Variants in R3HCC1L observed in about 807,000 individuals in gnomAD.
R3HCC1L encodes R3H domain and coiled-coil containing 1 like, also known as coiled-coil domain-containing protein R3HCC1L.
R3HCC1L carries 51 observed loss-of-function variants against 59.9 expected under a neutral mutation model. The ratio of observed to expected loss-of-function variants is 0.85; its 90% CI spans 0.68 to 1.07. R3HCC1L has a LOEUF of 1.07. R3HCC1L is among the 50% of genes least tolerant of loss of function. The pLI, the probability that R3HCC1L is intolerant of heterozygous loss-of-function variation, is 0.00. For missense variants in R3HCC1L, 965 were observed against 933.0 expected (o/e 1.03, Z -0.45); for synonymous variants, 322 against 315.2 (o/e 1.02, Z -0.23).
intron 7 of R3HCC1L, 64 bp from the exon 8 acceptor site, chr10:98,235,361 C>G (rs1471079136): frequency 1.5e-6 from 2 of 1,314,558 alleles, no homozygotes; most frequent in African/African-American, 2.9e-5. Flanking sequence ...TAAGAGCTAT[C>G]CCTAGTTTTT....
At chr10:98,229,750 G>A (rs1482558197) in intron 5 of R3HCC1L, among the ~76,000 whole-genome samples, 4 of 152,084 alleles carry the variant, frequency 2.6e-5, no homozygotes, top group Admixed American at 6.6e-5. Flanking sequence ...TTTGAGATAC[G>A]TCCCATCAAT....
intron 1 of R3HCC1L, among the ~76,000 whole-genome samples, chr10:98,134,993 G>A (rs1844398894): frequency 6.6e-6 from 1 of 152,150 alleles, no homozygotes; most frequent in Non-Finnish European, 1.5e-5. Context: ...TGATCCTGGC[G>A]GAAAGGACGT....
intron 9 of R3HCC1L, among the ~76,000 whole-genome samples, chr10:98,243,107 C>T (rs141144281): frequency 1.3e-5 from 2 of 152,328 alleles, no homozygotes; most frequent in Non-Finnish European, 2.9e-5. Flanking sequence ...CCTTAAAGTA[C>T]AGTCAAATAC....
intron 1 of R3HCC1L, among the ~76,000 whole-genome samples, chr10:98,155,624 G>GA (rs549209166): frequency 5.3e-5 from 8 of 149,844 alleles, no homozygotes; most frequent in Non-Finnish European, 7.4e-5. Flanking sequence ...TCCAATAGTG[G>GA]AAAAAAAAAG....
chr10:98,184,974 T>G (rs1211787316), intron 4 of R3HCC1L, among the ~76,000 whole-genome samples: 1 of 152,192 alleles, frequency 6.6e-6, no homozygotes, highest in Non-Finnish European at 1.5e-5. Context: ...GATCAATTAC[T>G]TAGATTTAAG....
At chr10:98,199,320 T>C (rs1388548255) in intron 4 of R3HCC1L, among the ~76,000 whole-genome samples, 1 of 152,132 alleles carries the variant, frequency 6.6e-6, no homozygotes, top group African/African-American at 2.4e-5. Context: ...ATCATTTTCT[T>C]GCTTACAGTA....
intron 4 of R3HCC1L, among the ~76,000 whole-genome samples, chr10:98,198,462 G>C (rs549490593): frequency 1.4e-5 from 2 of 147,372 alleles, no homozygotes; most frequent in African/African-American, 5.0e-5. Flanking sequence ...GTGAAACCAA[G>C]GAAGTTATTT....
intron 9 of R3HCC1L, among the ~76,000 whole-genome samples, chr10:98,241,297 T>C (rs1478350271): frequency 3.3e-5 from 5 of 152,192 alleles, no homozygotes; most frequent in Non-Finnish European, 7.3e-5. Context: ...ATTTTGAAAG[T>C]CTTTAATTTA....
intron 1 of R3HCC1L, among the ~76,000 whole-genome samples, chr10:98,135,572 G>A (rs1446842481): frequency 1.3e-5 from 2 of 152,202 alleles, no homozygotes; most frequent in African/African-American, 4.8e-5. Context: ...TCTATACGAA[G>A]ATCAAATTAG....
intron 9 of R3HCC1L, among the ~76,000 whole-genome samples, chr10:98,243,692 A>G (rs997049252): frequency 1.5e-4 from 23 of 152,248 alleles, no homozygotes; most frequent in African/African-American, 5.1e-4. Flanking sequence ...AAGAATATCA[A>G]TACATATCCT....
chr10:98,140,781 C>G (rs1322917252), intron 1 of R3HCC1L, among the ~76,000 whole-genome samples: 1 of 152,116 alleles, frequency 6.6e-6, no homozygotes, highest in Non-Finnish European at 1.5e-5. Context: ...TTTGCATATT[C>G]AGCATGCAAA....
At chr10:98,221,459 C>A (rs1207545563) in intron 5 of R3HCC1L, among the ~76,000 whole-genome samples, 1 of 151,334 alleles carries the variant, frequency 6.6e-6, no homozygotes, top group South Asian at 2.1e-4. Flanking sequence ...TTGCCCATGC[C>A]TATGTCCTGA....
At chr10:98,186,740 G>A (rs146464468) in intron 4 of R3HCC1L, among the ~76,000 whole-genome samples, 30 of 152,282 alleles carry the variant, frequency 2.0e-4, no homozygotes, top group African/African-American at 6.7e-4. Context: ...GAAAGTAGGC[G>A]TGAAGCTTAT....
intron 5 of R3HCC1L, among the ~76,000 whole-genome samples, chr10:98,215,143 C>T (rs1055691963): frequency 5.3e-5 from 8 of 151,944 alleles, no homozygotes; most frequent in Non-Finnish European, 7.4e-5. Flanking sequence ...CTGTGCCCAG[C>T]GCTGATCTTA....
chr10:98,168,813 C>T (rs138279546), intron 4 of R3HCC1L, among the ~76,000 whole-genome samples: 1 of 152,308 alleles, frequency 6.6e-6, no homozygotes, highest in Admixed American at 6.5e-5. Context: ...GAGCTTCTGC[C>T]AGGGTGAGAA....
Position 98,195,392 on chromosome 10 carries a change from A to T in R3HCC1L, c.-14-12709A>T, listed in dbSNP as rs145444822. On this transcript the variant is annotated intron_variant, in intron 4 of 9. Transcript: ENST00000298999. ...ATCTGTCATACAACAATATGCATAT[A>T]GTTAAAATACTGTGCTATACACTTG... Among the ~76,000 whole-genome samples, 562 of 152,002 alleles carry T rather than the reference A, an allele frequency of 3.7e-3. 3 individuals carry two copies. The highest frequency in any genetic ancestry group is 6.0e-3 in the Non-Finnish European group (409 of 67,882).
intron 4 of R3HCC1L, among the ~76,000 whole-genome samples, chr10:98,188,987 G>A (rs1232357180): frequency 6.6e-6 from 1 of 152,158 alleles, no homozygotes; most frequent in Non-Finnish European, 1.5e-5. Flanking sequence ...AAATAGTCAA[G>A]TGAGTTGTCA....
intron 4 of R3HCC1L, among the ~76,000 whole-genome samples, chr10:98,185,461 A>G (rs1228282135): frequency 6.6e-6 from 1 of 152,226 alleles, no homozygotes; most frequent in Admixed American, 6.5e-5. Context: ...GGCTTCTCAG[A>G]GAAAGAACTG....
At chr10:98,171,505 C>T (rs922155271) in intron 4 of R3HCC1L, among the ~76,000 whole-genome samples, 1 of 152,066 alleles carries the variant, frequency 6.6e-6, no homozygotes, top group Non-Finnish European at 1.5e-5. Context: ...GTTACTGCTC[C>T]ACCGTGGCAT....
Sources: allele counts gnomAD v4.1 joint callset (sites outside exome capture counted in the v4.1 genomes callset), GRCh38; gene constraint gnomAD v4.1.1; transcripts MANE v1.5; gene names NCBI Gene and HGNC (gene_info 2026-07-23, HGNC 2026-07-21).